ADGRA3: variants seen among roughly 807,000 people sequenced by gnomAD.
The protein encoded by ADGRA3 is adhesion G protein-coupled receptor A3, also known as G-protein coupled receptor 125.
Under a neutral mutation model 119.8 loss-of-function variants are expected in ADGRA3, and 56 were observed. The observed-to-expected ratio is 0.47, with a 90% CI of 0.38 to 0.58. The LOEUF (loss-of-function observed/expected upper bound fraction) is 0.58. ADGRA3 is among the 20% of genes least tolerant of loss of function. ADGRA3 has a pLI of 0.00. For synonymous variants in ADGRA3, 607 were observed against 623.8 expected, an observed-to-expected ratio of 0.97 and a Z score of 0.40; for missense variants, 1,516 against 1,649.0, an observed-to-expected ratio of 0.92 and a Z score of 1.40.
intron 1 of ADGRA3, among the ~76,000 whole-genome samples, chr4:22,483,998 G>C (rs1250355483): frequency 6.6e-6 from 1 of 151,660 alleles, no homozygotes; most frequent in Non-Finnish European, 1.5e-5. Context: ...TTTTTTTAAA[G>C]CTGTTAAATG....
rs148226840 is a variant in ADGRA3 at position 22,388,203 on chromosome 4, C to T, written c.3468G>A (p.Ala1156=). Residue 1156 remains alanine, a synonymous_variant, in exon 19 of 19, where the codon GCG becomes GCA. Coordinates refer to ENST00000334304, the MANE Select transcript of ADGRA3 (RefSeq NM_145290.4). ...TTGTTCGAAACTGAACTTCTAAAGG[C>T]GCCACGTGCATTTTAATATCATTGT... ...SMDNDIKMHV[A]PLEVQFRTNV... The T allele has an allele frequency of 5.8e-4, 934 of 1,613,986 alleles. 4 individuals carry two copies. In the African/African-American group the frequency reaches 8.5e-3, roughly 15 times the overall value.
intron 1 of ADGRA3, 116 bp downstream of exon 1, chr4:22,515,412 T>C (rs1719614805): frequency 8.6e-6 from 11 of 1,280,410 alleles, no homozygotes; most frequent in Non-Finnish European, 1.0e-5. Context: ...CACCGCCCCC[T>C]GCCTACAGCT....
chr4:22,492,359 A>G (rs568187581), intron 1 of ADGRA3, among the ~76,000 whole-genome samples: 1 of 152,334 alleles, frequency 6.6e-6, no homozygotes, highest in East Asian at 1.9e-4. Context: ...AATGGTTTTT[A>G]AACTTGACTG....
intron 12 of ADGRA3, chr4:22,414,510 C>G (rs7658234): frequency 0.71 from 438,761 of 616,560 alleles, 160,163 homozygotes; most frequent in Non-Finnish European, 0.77. Context: ...AACAATTAAC[C>G]ATCTAAAAAC....
chr4:22,449,492 A>T (rs1310121664), intron 4 of ADGRA3, among the ~76,000 whole-genome samples: 1 of 152,090 alleles, frequency 6.6e-6, no homozygotes, highest in Non-Finnish European at 1.5e-5. Context: ...ATTTTCTTTA[A>T]ATGTTTGCAA....
intron 14 of ADGRA3, among the ~76,000 whole-genome samples, chr4:22,405,751 C>T (rs1178568001): frequency 6.6e-6 from 1 of 152,012 alleles, no homozygotes; most frequent in Non-Finnish European, 1.5e-5. Context: ...TTTTTATTGA[C>T]ACATAATTGT....
chr4:22,389,795 T>C (rs751514564), intron 17 of ADGRA3, among the ~76,000 whole-genome samples: 4 of 152,072 alleles, frequency 2.6e-5, no homozygotes, highest in Admixed American at 6.6e-5. Context: ...TAAAAACTGA[T>C]TGAAACAGAG....
At chr4:22,447,289 TG>T in intron 5 of ADGRA3, 150 bp downstream of exon 5, 1 of 569,544 alleles carries the variant, frequency 1.8e-6, no homozygotes, top group Admixed American at 3.7e-5. Flanking sequence ...GGTTACTGTA[TG>T]TTTTTCAATG....
At chr4:22,413,086 A>AAC in intron 14 of ADGRA3, 96 bp downstream of exon 14, 1 of 948,182 alleles carries the variant, frequency 1.1e-6, no homozygotes, top group South Asian at 1.6e-5. Context: ...AAAAAAAAAA[A>AAC]AAAAACAAAA....
In ADGRA3 at chr4:22,436,376, T is replaced by C. The variant is rs1008945185; in HGVS notation, c.1287+64A>G. 1.3e-5 allele frequency: 16 copies of C among 1,252,870 alleles called. No individual in the cohort carries two copies. The highest frequency in any genetic ancestry group is 6.8e-5 in the South Asian group (5 of 74,002). 77.6% of individuals were successfully genotyped at this position (1,252,870 alleles called of 1,614,324 possible). On this transcript the variant is annotated intron_variant, in intron 9 of 18. Transcript: ENST00000334304. ...GTATTAAAAAAAAAAAAAAAACTTATGTATTTGGTTTGAATACCATGTTTT... is the reference window on the plus strand; with the variant it reads ...GTATTAAAAAAAAAAAAAAAACTTACGTATTTGGTTTGAATACCATGTTTT...
At chr4:22,501,672 T>C (rs1474138551) in intron 1 of ADGRA3, among the ~76,000 whole-genome samples, 2 of 151,752 alleles carry the variant, frequency 1.3e-5, no homozygotes, top group Non-Finnish European at 2.9e-5. Context: ...TAAGACTTAG[T>C]ATAAAAGGTC....
At chr4:22,464,518 A>G (rs997119109) in intron 2 of ADGRA3, among the ~76,000 whole-genome samples, 1 of 152,170 alleles carries the variant, frequency 6.6e-6, no homozygotes, top group African/African-American at 2.4e-5. Flanking sequence ...AAAGAGGAAT[A>G]TTATGCAGAG....
chr4:22,471,998 T>C (rs1217446215), intron 2 of ADGRA3, among the ~76,000 whole-genome samples: 2 of 152,140 alleles, frequency 1.3e-5, no homozygotes, highest in Non-Finnish European at 2.9e-5. Context: ...CACAGAACAT[T>C]AGCTATGCTG....
chr4:22,502,659 C>A (rs1349950314), intron 1 of ADGRA3, among the ~76,000 whole-genome samples: 2 of 151,128 alleles, frequency 1.3e-5, no homozygotes, highest in Non-Finnish European at 2.9e-5. Flanking sequence ...TGGGAGAGAA[C>A]TTCAAAACAG....
chr4:22,486,339 C>T (rs1718432349), intron 1 of ADGRA3, among the ~76,000 whole-genome samples: 1 of 152,182 alleles, frequency 6.6e-6, no homozygotes. Flanking sequence ...TTTACATGTC[C>T]TCTCTGGATG....
intron 5 of ADGRA3, among the ~76,000 whole-genome samples, chr4:22,446,377 T>C (rs987893365): frequency 5.3e-5 from 8 of 152,164 alleles, no homozygotes; most frequent in African/African-American, 1.9e-4. Context: ...AAAGCCAGAC[T>C]AGCTTTTGTC....
At chr4:22,451,300 T>C (rs2109086558) in intron 4 of ADGRA3, among the ~76,000 whole-genome samples, 1 of 152,266 alleles carries the variant, frequency 6.6e-6, no homozygotes, top group South Asian at 2.1e-4. Context: ...TTTTGATCTG[T>C]AGATCTCCTG....
chr4:22,392,844 T>C (rs1436236571), intron 16 of ADGRA3, 154 bp from the exon 17 acceptor site: 5 of 603,950 alleles, frequency 8.3e-6, no homozygotes, highest in Non-Finnish European at 1.4e-5. Flanking sequence ...AACACTGTGT[T>C]CTAATAGACA....
chr4:22,421,367 A>C (rs1715673845), intron 11 of ADGRA3, among the ~76,000 whole-genome samples: 1 of 152,158 alleles, frequency 6.6e-6, no homozygotes, highest in South Asian at 2.1e-4. Context: ...AAGTCAATTA[A>C]AAATAATTTA....
Sources: allele counts gnomAD v4.1 joint callset (sites outside exome capture counted in the v4.1 genomes callset), GRCh38; gene constraint gnomAD v4.1.1; transcripts MANE v1.5; gene names NCBI Gene and HGNC (gene_info 2026-07-23, HGNC 2026-07-21).